DISC1: variants seen among roughly 807,000 people sequenced by gnomAD.
DISC1 encodes DISC1 scaffold protein.
DISC1 carries 57 observed loss-of-function variants against 84.5 expected under a neutral mutation model. The ratio of observed to expected loss-of-function variants is 0.67; its 90% confidence interval spans 0.55 to 0.84. DISC1 has a LOEUF of 0.84. Among genes scored for constraint, DISC1 ranks in the 40% least tolerant of loss-of-function variants. The probability of loss-of-function intolerance (pLI) is 0.00; values close to 1 mark genes in which losing one functional copy is unlikely to be tolerated. For missense variants in DISC1, 1,000 were observed against 1,057.8 expected (o/e 0.95, Z 0.76); for synonymous variants, 411 against 415.2 (o/e 0.99, Z 0.12).
At chr1:231,732,102 T>G (rs1170451599) in intron 3 of DISC1, among the ~76,000 whole-genome samples, 2 of 152,236 alleles carry the variant, frequency 1.3e-5, no homozygotes, top group Non-Finnish European at 2.9e-5. Flanking sequence ...TAAAGTCCTC[T>G]CTTGCCCTCC....
intron 9 of DISC1, among the ~76,000 whole-genome samples, chr1:231,955,914 A>G (rs971675489): frequency 2.6e-5 from 4 of 152,198 alleles, no homozygotes; most frequent in South Asian, 2.1e-4. Flanking sequence ...TTAAGTCCCT[A>G]TTGGGACATA....
intron 1 of DISC1, among the ~76,000 whole-genome samples, chr1:231,649,926 T>G (rs1293217808): frequency 6.6e-6 from 1 of 152,234 alleles, no homozygotes; most frequent in Admixed American, 6.5e-5. Context: ...TAGATCTTCC[T>G]CCATCCCTTT....
At chr1:231,796,636 A>G (rs540092375) in intron 7 of DISC1, among the ~76,000 whole-genome samples, 4 of 152,204 alleles carry the variant, frequency 2.6e-5, no homozygotes, top group Non-Finnish European at 5.9e-5. Context: ...TTGATGGGTA[A>G]TTATAACTTG....
intron 10 of DISC1, among the ~76,000 whole-genome samples, chr1:231,968,935 G>A (rs1661512250): frequency 6.6e-6 from 1 of 152,058 alleles, no homozygotes; most frequent in African/African-American, 2.4e-5. Context: ...AGTAGAATAA[G>A]ATAAAAACTA....
intron 9 of DISC1, among the ~76,000 whole-genome samples, chr1:231,927,352 G>C (rs572537977): frequency 8.5e-5 from 13 of 152,314 alleles, no homozygotes; most frequent in African/African-American, 2.6e-4. Flanking sequence ...GTTATTTGTA[G>C]ATTTCTGCAT....
At chr1:231,736,296 A>G (rs771103205) in intron 3 of DISC1, among the ~76,000 whole-genome samples, 2 of 152,206 alleles carry the variant, frequency 1.3e-5, no homozygotes, top group Non-Finnish European at 2.9e-5. Flanking sequence ...AGGGGAAGGT[A>G]CTGCTTTGGG....
intron 1 of DISC1, among the ~76,000 whole-genome samples, chr1:231,652,450 A>G (rs1396824802): frequency 6.6e-6 from 1 of 152,222 alleles, no homozygotes; most frequent in Non-Finnish European, 1.5e-5. Context: ...ACTTTCTTAA[A>G]GGAAATGGAC....
intron 9 of DISC1, among the ~76,000 whole-genome samples, chr1:231,863,799 G>A (rs1457302221): frequency 6.6e-6 from 1 of 152,196 alleles, no homozygotes; most frequent in African/African-American, 2.4e-5. Flanking sequence ...CTGGAGCCAA[G>A]GTCTAGTCTA....
At chr1:231,713,781 TATATATATAGGAG>T (rs1363113914) in intron 3 of DISC1, among the ~76,000 whole-genome samples, 14 of 143,804 alleles carry the variant, frequency 9.7e-5, no homozygotes, top group East Asian at 4.0e-4. Flanking sequence ...ATATAGGAGA[TATATATATAGGAG>T]ATATATATAT....
chr1:232,005,917 A>G (rs1176441784), intron 10 of DISC1, among the ~76,000 whole-genome samples: 1 of 96,794 alleles, frequency 1.0e-5, no homozygotes, highest in South Asian at 4.7e-4. Context: ...ATATATTTTC[A>G]TTGAAAATTC....
intron 11 of DISC1, among the ~76,000 whole-genome samples, chr1:232,010,551 A>G (rs535122869): frequency 2.0e-5 from 3 of 152,288 alleles, no homozygotes; most frequent in East Asian, 3.9e-4. Context: ...AGAAAAATGA[A>G]TATCTTTCCT....
rs575204433 is a variant in DISC1, at chr1:231,881,264, G to A, written c.1981+62747G>A. ...CTGCCATAACCAAAGACCACAAACC[G>A]GGTGGCTTAAAGAACAGACACGCAT... is the stretch of plus-strand genomic sequence containing the variant. On this transcript the variant is annotated intron_variant, in intron 9 of 12. Coordinates refer to ENST00000439617, the MANE Select transcript of DISC1 (RefSeq NM_018662.3). 3.3e-5 allele frequency among the ~76,000 whole-genome samples: 5 copies of A among 152,238 alleles called. No individual in the cohort carries two copies. The South Asian group carries it at 6.2e-4, about 19-fold the overall frequency.
chr1:231,917,960 A>T (rs1434585567), intron 9 of DISC1, among the ~76,000 whole-genome samples: 1 of 152,230 alleles, frequency 6.6e-6, no homozygotes, highest in African/African-American at 2.4e-5. Context: ...GAAGAAGCTG[A>T]GGTTGAGGGA....
intron 9 of DISC1, among the ~76,000 whole-genome samples, chr1:231,944,377 G>A (rs2091501158): frequency 6.6e-6 from 1 of 152,204 alleles, no homozygotes; most frequent in South Asian, 2.1e-4. Flanking sequence ...CTTGTCCAAA[G>A]TTGCATCTGG....
chr1:231,648,677 C>CT (rs760530349), intron 1 of DISC1, among the ~76,000 whole-genome samples: 2 of 151,742 alleles, frequency 1.3e-5, no homozygotes, highest in Non-Finnish European at 2.9e-5. Context: ...GCTGTGAACC[C>CT]ATCTGGTCCT....
intron 1 of DISC1, among the ~76,000 whole-genome samples, chr1:231,690,134 G>A (rs1008679552): frequency 2.6e-5 from 4 of 152,114 alleles, no homozygotes; most frequent in African/African-American, 9.7e-5. Flanking sequence ...ATTGACATCT[G>A]GGTCTGTTCT....
chr1:231,969,372 C>A (rs1269493628), intron 10 of DISC1, among the ~76,000 whole-genome samples: 1 of 151,944 alleles, frequency 6.6e-6, no homozygotes, highest in Non-Finnish European at 1.5e-5. Context: ...CTGCTGCTCT[C>A]AGAATGGATC....
At chr1:231,766,594 G>A (rs1052533017) in intron 4 of DISC1, among the ~76,000 whole-genome samples, 1 of 152,156 alleles carries the variant, frequency 6.6e-6, no homozygotes. Flanking sequence ...ATGCCGTAAA[G>A]GCAAGGGAAC....
chr1:232,006,226 G>C (rs74457550), intron 10 of DISC1, among the ~76,000 whole-genome samples: 1,551 of 152,316 alleles, frequency 0.01, 30 homozygotes, highest in African/African-American at 0.035. Context: ...AAATGTGAAA[G>C]AGACTTGGAA....
Sources: gnomAD v4.1 joint callset for allele counts (sites outside exome capture counted in the v4.1 genomes callset) on GRCh38, gnomAD v4.1.1 for gene constraint, MANE v1.5 for transcripts, NCBI Gene and HGNC (gene_info 2026-07-23, HGNC 2026-07-21) for gene names.